KCNG2: variants seen among roughly 807,000 people sequenced by gnomAD.
The protein encoded by KCNG2 is potassium voltage-gated channel modifier subfamily G member 2, also known as voltage-gated potassium channel regulatory subunit KCNG2.
A neutral mutation model predicts 12.3 loss-of-function variants in KCNG2; 7 were observed. The ratio of observed to expected loss-of-function variants is 0.57; its 90% CI spans 0.32 to 1.07. The LOEUF is 1.07. KCNG2 is among the 50% of genes least tolerant of loss of function. The probability of loss-of-function intolerance (pLI) is 0.04; values close to 1 mark genes in which losing one functional copy is unlikely to be tolerated. For missense variants in KCNG2, 703 were observed against 726.0 expected, an observed-to-expected ratio of 0.97 and a Z score of 0.36; for synonymous variants, 414 against 351.4, an observed-to-expected ratio of 1.18 and a Z score of -1.99.
chr18:79,866,359 T>TGA (rs1232862420), intron 3 of KCNG2, among the ~76,000 whole-genome samples: 5 of 85,540 alleles, frequency 5.8e-5, no homozygotes, highest in African/African-American at 7.8e-5. Context: ...GTCTGTGTGC[T>TGA]GAGGTCTGGG....
chr18:79,811,395 A>G (rs2087493240), intron 1 of KCNG2, among the ~76,000 whole-genome samples: 2 of 152,258 alleles, frequency 1.3e-5, no homozygotes, highest in East Asian at 1.9e-4. Flanking sequence ...ATGGAATACA[A>G]TTGCAATTCT....
intron 1 of KCNG2, among the ~76,000 whole-genome samples, chr18:79,812,729 T>C (rs1259433714): frequency 6.6e-6 from 1 of 151,924 alleles, no homozygotes; most frequent in Non-Finnish European, 1.5e-5. Context: ...GGCGTGGTGG[T>C]GCGCACCTGT....
intron 1 of KCNG2, among the ~76,000 whole-genome samples, chr18:79,852,315 C>T (rs1022912229): frequency 2.6e-5 from 4 of 152,238 alleles, no homozygotes; most frequent in African/African-American, 7.2e-5. Context: ...TCTCCAGCAG[C>T]GCAAACGATG....
intron 3 of KCNG2, among the ~76,000 whole-genome samples, chr18:79,872,133 G>A (rs1979857345): frequency 6.6e-6 from 1 of 151,698 alleles, no homozygotes; most frequent in South Asian, 2.1e-4. Flanking sequence ...GGGCAGGGGA[G>A]GAAGATAACA....
chr18:79,799,106 C>T (rs761262868), intron 1 of KCNG2, among the ~76,000 whole-genome samples: 4 of 152,232 alleles, frequency 2.6e-5, no homozygotes, highest in Non-Finnish European at 5.9e-5. Context: ...CTCTGGCTTC[C>T]GCGTGCGCTC....
At chr18:79,855,671 G>T (rs1368813602) in intron 1 of KCNG2, among the ~76,000 whole-genome samples, 1 of 151,846 alleles carries the variant, frequency 6.6e-6, no homozygotes, top group Non-Finnish European at 1.5e-5. Flanking sequence ...TTTCCTTCCC[G>T]ATCACCCTCC....
intron 3 of KCNG2, among the ~76,000 whole-genome samples, chr18:79,888,446 G>C (rs1226652455): frequency 7.5e-6 from 1 of 132,594 alleles, no homozygotes; most frequent in African/African-American, 2.6e-5. Flanking sequence ...CGGGACGGCG[G>C]CGTCCTCCTC....
intron 3 of KCNG2, among the ~76,000 whole-genome samples, chr18:79,885,124 G>A (rs1034858731): frequency 3.3e-5 from 5 of 152,314 alleles, no homozygotes; most frequent in Admixed American, 6.5e-5. Context: ...ACAGAACATC[G>A]TGGAGCAGCC....
At chr18:79,810,932 T>A (rs951820016) in intron 1 of KCNG2, among the ~76,000 whole-genome samples, 1 of 152,208 alleles carries the variant, frequency 6.6e-6, no homozygotes, top group Non-Finnish European at 1.5e-5. Context: ...AGCGTGTTGT[T>A]GTATACTAGC....
In KCNG2 at chr18:79,863,777, G is replaced by T; in HGVS notation, c.110G>T (p.Arg37Leu). The T allele has an allele frequency of 7.9e-7, 1 of 1,273,024 alleles. No homozygotes were observed. The highest frequency in any genetic ancestry group is 1.0e-6 in the Non-Finnish European group (1 of 1,004,424). The allele number at this position is 1,273,024 out of a possible 1,614,324, so 78.9% of individuals were successfully genotyped here. Residue 37 changes from arginine (R) to leucine (L), a missense_variant, in exon 3 of 4, where the codon CGA (arginine) becomes CTA (leucine). Physicochemically the swap from Arg to Leu is moderately radical, Grantham distance 102. Transcript: ENST00000316249. ...RVRLAWAALA[R>L]CPLARLERLR... ...CGCCTGGCATGGGCCGCGCTGGCGC[G>T]ATGCCCCCTCGCGCGCCTGGAGCGC...
Position 79,899,135 on chromosome 18 carries a change from C to G in KCNG2, c.720C>G (p.Ala240=). The G allele has an allele frequency of 1.9e-6, 3 of 1,607,718 alleles. No homozygotes were observed. Among genetic ancestry groups the G allele is most frequent in the Non-Finnish European group, 2.5e-6 (3 of 1,179,504 alleles). ...AGTTCCTGCTGCGCTCCCTGCAGGC[C>G]GAGAGCAAGTGCGCCTTCCTGCGCG... ...SFEFLLRSLQ[A]ESKCAFLRAP... Residue 240 remains alanine, a synonymous_variant, in exon 4 of 4, where the codon GCC becomes GCG. Transcript: ENST00000316249.
chr18:79,873,085 A>G (rs1185230646), intron 3 of KCNG2, among the ~76,000 whole-genome samples: 2 of 152,096 alleles, frequency 1.3e-5, no homozygotes, highest in Non-Finnish European at 2.9e-5. Context: ...GGGCCTGGGG[A>G]CAGGATGGGC....
rs74737064 is a variant in KCNG2 at position 79,872,949 on chromosome 18, C to T, written c.624+8658C>T. Among the ~76,000 whole-genome samples the T allele has an allele frequency of 2.3e-3, 353 of 152,304 alleles. 8 individuals carry two copies. The East Asian group carries it at 0.026, about 11-fold the overall frequency. The stretch of plus-strand genomic sequence containing the variant: ...TGGGGAGGGTCTGTGGGGTGGGGAC[C>T]GCCCCTCCGGGAGCCGGCGTGTGCT... On this transcript the variant is annotated intron_variant, in intron 3 of 3. Coordinates refer to ENST00000316249, the MANE Select transcript of KCNG2 (RefSeq NM_012283.2).
rs1219134430 is a variant in KCNG2 at position 79,822,659 on chromosome 18, G to A, written c.-115+24645G>A. Reference sequence around the variant, plus strand: ...TTGCCCCGGCAGGTCTTGAACTCCTGACCTCAAGGGATCCACCCACCCCGG... The same window carrying A: ...TTGCCCCGGCAGGTCTTGAACTCCTAACCTCAAGGGATCCACCCACCCCGG... On this transcript the variant is annotated intron_variant, in intron 1 of 3. Transcript: ENST00000316249. This position sits in a 1 kb window ranked among gnomAD's most constrained non-coding sequence, Gnocchi z 4.4. Among the ~76,000 whole-genome samples the A allele has an allele frequency of 6.6e-6, 1 of 152,108 alleles. No individual in the cohort carries two copies. Among genetic ancestry groups the A allele is most frequent in the African/African-American group, 2.4e-5 (1 of 41,414 alleles).
chr18:79,857,253 C>G (rs771816259), intron 2 of KCNG2, among the ~76,000 whole-genome samples: 14 of 150,062 alleles, frequency 9.3e-5, no homozygotes, highest in Non-Finnish European at 1.8e-4. Flanking sequence ...ACCACGTCCC[C>G]CCTCTTCTCA....
intron 3 of KCNG2, among the ~76,000 whole-genome samples, chr18:79,885,553 C>T (rs1040313385): frequency 2.0e-5 from 3 of 152,304 alleles, no homozygotes; most frequent in South Asian, 2.1e-4. Context: ...ACACTCAGCC[C>T]GGGCGCTCCT....
At chr18:79,809,418 T>G in intron 1 of KCNG2, among the ~76,000 whole-genome samples, 1 of 140,176 alleles carries the variant, frequency 7.1e-6, no homozygotes, top group Non-Finnish European at 1.6e-5. Flanking sequence ...CTGACCACAC[T>G]CCACGTTACG....
intron 1 of KCNG2, among the ~76,000 whole-genome samples, chr18:79,810,924 C>T (rs537991800): frequency 5.9e-5 from 9 of 152,178 alleles, no homozygotes; most frequent in African/African-American, 1.4e-4. Context: ...CAAAACTCAG[C>T]GTGTTGTTGT....
At chr18:79,874,051 C>T (rs1390101135) in intron 3 of KCNG2, among the ~76,000 whole-genome samples, 3 of 152,224 alleles carry the variant, frequency 2.0e-5, no homozygotes, top group Non-Finnish European at 4.4e-5. Context: ...TCAGGTCAAG[C>T]GTGGGGTCAA....
Sources: gnomAD v4.1 joint callset for allele counts (sites outside exome capture counted in the v4.1 genomes callset) on GRCh38, gnomAD v4.1.1 for gene constraint, Gnocchi (gnomAD v3.1) non-coding constraint, MANE v1.5 for transcripts, NCBI Gene and HGNC (gene_info 2026-07-23, HGNC 2026-07-21) for gene names.